Variants in FAM185A observed in about 807,000 individuals in gnomAD.
FAM185A encodes protein FAM185A.
In FAM185A, 21 loss-of-function variants were observed where a neutral mutation model predicts 45.7. That is an observed-to-expected ratio of 0.46 (90% CI 0.33 to 0.66). FAM185A has a LOEUF of 0.66. Among genes scored for constraint, FAM185A ranks in the 30% least tolerant of loss-of-function variants. The pLI, the probability that FAM185A is intolerant of heterozygous loss-of-function variation, is 0.03. For missense variants in FAM185A, 305 were observed against 485.4 expected, an observed-to-expected ratio of 0.63 and a Z score of 3.49; for synonymous variants, 117 against 194.0, an observed-to-expected ratio of 0.60 and a Z score of 3.30.
chr7:102,829,201 T>A, the FAM185A span, among the ~76,000 whole-genome samples: 1 of 152,252 alleles, frequency 6.6e-6, no homozygotes, highest in Non-Finnish European at 1.5e-5. Context: ...GCAGCTTTCC[T>A]GAGCCTTGGG....
chr7:102,806,098 A>G (rs529362077), intron 7 of FAM185A, among the ~76,000 whole-genome samples: 1 of 152,296 alleles, frequency 6.6e-6, no homozygotes, highest in South Asian at 2.1e-4. Context: ...ATAGAAAACA[A>G]AACATCTATT....
the FAM185A span, among the ~76,000 whole-genome samples, chr7:102,822,790 T>C: frequency 6.6e-6 from 1 of 152,172 alleles, no homozygotes; most frequent in South Asian, 2.1e-4. Flanking sequence ...ATTATGATCT[T>C]AGCAAGGCAC....
At chr7:102,822,094 A>T in the FAM185A span, 1 of 1,614,244 alleles carries the variant, frequency 6.2e-7, no homozygotes, top group South Asian at 1.1e-5. Flanking sequence ...TTTGCAGCCT[A>T]TCTGAAGGTC....
At chr7:102,791,104 A>G (rs1172149802) in intron 7 of FAM185A, among the ~76,000 whole-genome samples, 2 of 152,222 alleles carry the variant, frequency 1.3e-5, no homozygotes, top group Non-Finnish European at 2.9e-5. Flanking sequence ...GGAAAGTGGC[A>G]TAAAAGTAGG....
At chr7:102,827,780 G>T in the FAM185A span, among the ~76,000 whole-genome samples, 1 of 151,960 alleles carries the variant, frequency 6.6e-6, no homozygotes, top group Admixed American at 6.6e-5. Flanking sequence ...TGCAGTGTTT[G>T]GTTTTTTGTC....
At chr7:102,834,085 GAAAA>G in the FAM185A span, among the ~76,000 whole-genome samples, 1,922 of 78,642 alleles carry the variant, frequency 0.024, 46 homozygotes, top group African/African-American at 0.042. Flanking sequence ...AGGAAGGAAA[GAAAA>G]GAAAGAAAGA....
intron 5 of FAM185A, among the ~76,000 whole-genome samples, chr7:102,774,998 TGTTTTG>T (rs1199676091): frequency 2.3e-3 from 280 of 120,472 alleles, no homozygotes; most frequent in Middle Eastern, 9.3e-3. Flanking sequence ...TTTTGTGGTG[TGTTTTG>T]TTTTTGTTTT....
At chr7:102,756,105 C>G (rs1449133770) in intron 2 of FAM185A, among the ~76,000 whole-genome samples, 1 of 151,464 alleles carries the variant, frequency 6.6e-6, no homozygotes, top group Non-Finnish European at 1.5e-5. Context: ...ACGTAGTTAA[C>G]CATGCTATAG....
At chr7:102,785,863 C>G (rs1795756807) in intron 6 of FAM185A, among the ~76,000 whole-genome samples, 1 of 151,874 alleles carries the variant, frequency 6.6e-6, no homozygotes, top group South Asian at 2.1e-4. Flanking sequence ...TTCTGCACAG[C>G]AAAAGAAACT....
the FAM185A span, among the ~76,000 whole-genome samples, chr7:102,826,238 G>A: frequency 6.6e-6 from 1 of 152,168 alleles, no homozygotes; most frequent in South Asian, 2.1e-4. Flanking sequence ...CCTTGAAGAT[G>A]GACAGCAAGA....
chr7:102,831,457 C>A, the FAM185A span, among the ~76,000 whole-genome samples: 1 of 150,976 alleles, frequency 6.6e-6, no homozygotes, highest in Non-Finnish European at 1.5e-5. Flanking sequence ...TTATCTTGTC[C>A]AAAATATGAA....
chr7:102,826,583 A>G, the FAM185A span, among the ~76,000 whole-genome samples: 1 of 150,782 alleles, frequency 6.6e-6, no homozygotes. Context: ...AAAAAATACA[A>G]AAATTAGCTG....
At chr7:102,824,564 C>T in the FAM185A span, among the ~76,000 whole-genome samples, 1 of 152,112 alleles carries the variant, frequency 6.6e-6, no homozygotes, top group Non-Finnish European at 1.5e-5. Flanking sequence ...CGGCTCACTG[C>T]AACCTCTGCC....
the FAM185A span, chr7:102,814,554 A>C: frequency 1.3e-5 from 2 of 152,244 alleles, no homozygotes; most frequent in Non-Finnish European, 2.9e-5. Context: ...CAAACTTAAC[A>C]GGGAGGTAAC....
chr7:102,792,881 G>A (rs1796216922), intron 7 of FAM185A, among the ~76,000 whole-genome samples: 1 of 152,210 alleles, frequency 6.6e-6, no homozygotes, highest in South Asian at 2.1e-4. Context: ...GGTTGGAAGA[G>A]GTTGAAATGG....
intron 7 of FAM185A, among the ~76,000 whole-genome samples, chr7:102,807,821 G>C (rs1183677086): frequency 1.3e-5 from 2 of 152,054 alleles, no homozygotes; most frequent in Admixed American, 6.5e-5. Context: ...CACTTTGGGA[G>C]GCCAAGGTGG....
intron 7 of FAM185A, 96 bp from the exon 8 acceptor site, chr7:102,808,193 AT>A (rs1417740735): frequency 8.9e-6 from 7 of 786,674 alleles, no homozygotes; most frequent in Non-Finnish European, 1.5e-5. Context: ...AAGATTCTTG[AT>A]GTTCTAAGGT....
the FAM185A span, among the ~76,000 whole-genome samples, chr7:102,838,599 T>C: frequency 6.6e-6 from 1 of 152,102 alleles, no homozygotes; most frequent in Non-Finnish European, 1.5e-5. Context: ...CCCTGAACAA[T>C]TGCTTTGCCC....
At chr7:102,811,330 G>C (rs533150088), downstream of FAM185A, among the ~76,000 whole-genome samples, 1 of 152,146 alleles carries the variant, frequency 6.6e-6, no homozygotes, top group African/African-American at 2.4e-5. Flanking sequence ...TATGAAATAC[G>C]TAAGGGCTAA....
Sources: gnomAD v4.1 joint callset for allele counts (sites outside exome capture counted in the v4.1 genomes callset) on GRCh38, gnomAD v4.1.1 for gene constraint, MANE v1.5 for transcripts, NCBI Gene and HGNC (gene_info 2026-07-23, HGNC 2026-07-21) for gene names.